The following CFAP44 variants were observed in gnomAD, a reference collection of about 807,000 sequenced individuals.
CFAP44 encodes the protein cilia and flagella associated protein 44.
A neutral mutation model predicts 216.2 loss-of-function variants in CFAP44; 134 were observed. That is an observed-to-expected ratio of 0.62 (90% CI 0.54 to 0.72). The LOEUF is 0.72. Among genes scored for constraint, CFAP44 ranks in the 30% least tolerant of loss-of-function variants. CFAP44 has a pLI of 0.00. For synonymous variants in CFAP44, 700 were observed against 727.6 expected, an observed-to-expected ratio of 0.96 and a Z score of 0.61; for missense variants, 2,035 against 2,182.1, an observed-to-expected ratio of 0.93 and a Z score of 1.34.
At chr3:113,419,934 C>T (rs1054178275) in intron 5 of CFAP44, 83 bp downstream of exon 5, 3 of 1,445,214 alleles carry the variant, frequency 2.1e-6, no homozygotes, top group Admixed American at 4.0e-5. Context: ...GTGTTGGCAT[C>T]TAACAACCAT....
Position 113,289,124 on chromosome 3 carries a change from C to T in CFAP44, c.*2433G>A, listed in dbSNP as rs1410367314. On this transcript the variant is annotated 3_prime_UTR_variant, in exon 35 of 35. Coordinates refer to ENST00000393845, the MANE Select transcript of CFAP44 (RefSeq NM_001164496.2). ...CTACTTGTGTTTGAAGCTTAACTTC[C>T]CAAAGACTCAGATGCTCTAACTTAA... 3 of 152,142 alleles carry T rather than the reference C, an allele frequency of 2.0e-5. No homozygotes were observed. Among genetic ancestry groups the T allele is most frequent in the East Asian group, 1.9e-4 (1 of 5,192 alleles). The allele number at this position is 152,142 out of a possible 1,614,324, so 9.4% of individuals were successfully genotyped here. A position where few individuals can be genotyped will look rare whatever the true frequency, so the allele number is the denominator to read the frequency against.
chr3:113,380,846 T>C (rs1336987794), intron 16 of CFAP44, 53 bp downstream of exon 16: 2 of 1,395,510 alleles, frequency 1.4e-6, no homozygotes, highest in Admixed American at 2.5e-5. Context: ...GGATATTTTA[T>C]ATTCTAAGGA....
chr3:113,372,842 G>A (rs6809516), intron 18 of CFAP44, among the ~76,000 whole-genome samples: 35,587 of 152,070 alleles, frequency 0.23, 4,414 homozygotes, highest in East Asian at 0.41. Flanking sequence ...AAGGAGACAG[G>A]CCTCAGGAGA....
intron 22 of CFAP44, among the ~76,000 whole-genome samples, chr3:113,346,515 T>A (rs528012432): frequency 1.4e-3 from 218 of 151,268 alleles, no homozygotes; most frequent in African/African-American, 5.0e-3. Flanking sequence ...GTGCTCTGTA[T>A]CTAGCTAAAG....
chr3:113,431,730 T>A (rs747883111), intron 2 of CFAP44, among the ~76,000 whole-genome samples: 28 of 152,190 alleles, frequency 1.8e-4, no homozygotes, highest in Admixed American at 5.9e-4. Flanking sequence ...ATGTCTGCGA[T>A]AGATTAAAAG....
chr3:113,431,061 T>C (rs1935093757), intron 2 of CFAP44, among the ~76,000 whole-genome samples: 2 of 152,068 alleles, frequency 1.3e-5, no homozygotes, highest in African/African-American at 2.4e-5. Context: ...ATACAAGGAC[T>C]TTTATTCATT....
chr3:113,360,402 G>T (rs1422720596), intron 21 of CFAP44: 2 of 230,396 alleles, frequency 8.7e-6, no homozygotes, highest in South Asian at 7.7e-5. Flanking sequence ...TGTCTATTGG[G>T]GTTTGACAGT....
chr3:113,408,786 C>G lies in CFAP44; in HGVS notation c.890+320G>C, dbSNP rs533396705. On this transcript the variant is annotated intron_variant, in intron 7 of 34. Coordinates refer to ENST00000393845, the MANE Select transcript of CFAP44 (RefSeq NM_001164496.2). Reference sequence around the variant, plus strand: ...GCTGAGGCAGGAGAATCGCTTGAACCCAGGAGGCGGAGGTTGCAGTGAGCT... The same window carrying G: ...GCTGAGGCAGGAGAATCGCTTGAACGCAGGAGGCGGAGGTTGCAGTGAGCT... Among the ~76,000 whole-genome samples, 7 of 150,902 alleles carry G rather than the reference C, an allele frequency of 4.6e-5. No homozygotes were observed. In the East Asian group the frequency reaches 1.4e-3, roughly 29 times the overall value.
intron 22 of CFAP44, among the ~76,000 whole-genome samples, chr3:113,357,448 A>G (rs772605566): frequency 1.5e-4 from 23 of 152,200 alleles, no homozygotes; most frequent in Non-Finnish European, 3.1e-4. Flanking sequence ...CAGGGAGAAC[A>G]CTGAGTGAAA....
At chr3:113,371,561 C>T (rs1481185060) in intron 18 of CFAP44, among the ~76,000 whole-genome samples, 2 of 152,136 alleles carry the variant, frequency 1.3e-5, no homozygotes, top group Non-Finnish European at 2.9e-5. Flanking sequence ...CTTCCTTACA[C>T]CATATACAAA....
intron 1 of CFAP44, 63 bp from the exon 2 acceptor site, chr3:113,433,732 C>T (rs1264220831): frequency 9.5e-6 from 12 of 1,257,776 alleles, no homozygotes; most frequent in Non-Finnish European, 1.4e-5. Flanking sequence ...AACAGATTTC[C>T]CCCTAACATA....
intron 28 of CFAP44, among the ~76,000 whole-genome samples, chr3:113,308,884 G>A (rs927685667): frequency 1.3e-5 from 2 of 152,170 alleles, no homozygotes; most frequent in African/African-American, 4.8e-5. Flanking sequence ...GGGATTACAG[G>A]CTTGAGCCAC....
At chr3:113,387,298 G>A (rs1933675643) in intron 15 of CFAP44, among the ~76,000 whole-genome samples, 1 of 152,180 alleles carries the variant, frequency 6.6e-6, no homozygotes, top group Admixed American at 6.5e-5. Flanking sequence ...TCTGCTTAAG[G>A]AGAGGAGGGG....
rs1934383344 is a variant in CFAP44, at chr3:113,409,231, A to G, written c.765T>C (p.Thr255=). The G allele has an allele frequency of 6.2e-7, 1 of 1,614,162 alleles. No homozygotes were observed. The highest frequency in any genetic ancestry group is 8.5e-7 in the Non-Finnish European group (1 of 1,180,040). ...SVGSNPDYTL[T]IWNWKEEQPI... is the part of the protein sequence containing the mutation. ...GTTGTTCTTCTTTCCAGTTCCAGAT[A>G]GTCAGTGTGTAGTCAGGGTTACTAC... The change falls in exon 7 of 35, where the codon ACT becomes ACC. Residue 255 remains threonine (T), a synonymous_variant. Coordinates refer to ENST00000393845, the MANE Select transcript of CFAP44 (RefSeq NM_001164496.2).
chr3:113,397,882 C>T (rs945791367), intron 13 of CFAP44, among the ~76,000 whole-genome samples: 7 of 152,062 alleles, frequency 4.6e-5, no homozygotes, highest in African/African-American at 1.4e-4. Context: ...GTTTTGGAAA[C>T]ACGGAGTTCG....
At chr3:113,420,531 A>G (rs1204444729) in intron 4 of CFAP44, among the ~76,000 whole-genome samples, 2 of 152,214 alleles carry the variant, frequency 1.3e-5, no homozygotes, top group African/African-American at 4.8e-5. Flanking sequence ...TGGGTACCAC[A>G]GGCAGCAAAA....
chr3:113,294,644 G>A, intron 34 of CFAP44, 43 bp downstream of exon 34: 1 of 1,480,906 alleles, frequency 6.8e-7, no homozygotes. Context: ...CTTTGACAGA[G>A]CTTCCTCAAT....
chr3:113,374,189 C>G (rs548027273), intron 17 of CFAP44, among the ~76,000 whole-genome samples: 1 of 152,006 alleles, frequency 6.6e-6, no homozygotes, highest in South Asian at 2.1e-4. Flanking sequence ...TTGACAACAG[C>G]AGACTAGATT....
At chr3:113,326,751 T>C in intron 27 of CFAP44, 111 bp from the exon 28 acceptor site, 1 of 588,620 alleles carries the variant, frequency 1.7e-6, no homozygotes, top group South Asian at 5.5e-5. Context: ...TTTTTAAAAC[T>C]TCTTAAAAGA....
Sources: allele counts gnomAD v4.1 joint callset (sites outside exome capture counted in the v4.1 genomes callset), GRCh38; gene constraint gnomAD v4.1.1; transcripts MANE v1.5; gene names NCBI Gene and HGNC (gene_info 2026-07-23, HGNC 2026-07-21).